The following RASAL2 variants were observed in gnomAD, a reference collection of about 807,000 sequenced individuals.
RASAL2 encodes RAS protein activator like 2, also known as ras GTPase-activating protein nGAP.
Under a neutral mutation model 128.9 loss-of-function variants are expected in RASAL2, and 58 were observed. The observed-to-expected ratio is 0.45, with a 90% CI of 0.36 to 0.56. The LOEUF (loss-of-function observed/expected upper bound fraction) is 0.56, where lower values mean the gene tolerates loss of function less well. RASAL2 is among the 20% of genes least tolerant of loss of function. The probability of loss-of-function intolerance (pLI) is 0.00; values close to 1 mark genes in which losing one functional copy is unlikely to be tolerated. For missense variants in RASAL2, 1,360 were observed against 1,601.6 expected, an observed-to-expected ratio of 0.85 and a Z score of 2.57; for synonymous variants, 561 against 580.8, an observed-to-expected ratio of 0.97 and a Z score of 0.49.
At chr1:178,095,428 A>G (rs931025493) in intron 1 of RASAL2, among the ~76,000 whole-genome samples, 26 of 152,336 alleles carry the variant, frequency 1.7e-4, no homozygotes, top group African/African-American at 6.3e-4. Context: ...GAAAACTCAT[A>G]GCTTAAGGAT....
intron 1 of RASAL2, among the ~76,000 whole-genome samples, chr1:178,136,947 A>G (rs2102320740): frequency 1.3e-5 from 2 of 152,234 alleles, no homozygotes; most frequent in Middle Eastern, 3.4e-3. Context: ...GAAGGCTTTT[A>G]TCCTTTAATT....
chr1:178,362,416 ATC>A (rs1671169628), intron 3 of RASAL2, among the ~76,000 whole-genome samples: 1 of 151,994 alleles, frequency 6.6e-6, no homozygotes, highest in Admixed American at 6.6e-5. Context: ...AAATTAACAT[ATC>A]TGTTATCTCA....
intron 2 of RASAL2, among the ~76,000 whole-genome samples, chr1:178,289,679 G>A (rs1367950612): frequency 1.3e-5 from 2 of 152,078 alleles, no homozygotes; most frequent in Non-Finnish European, 1.5e-5. Context: ...ATATGTAAGA[G>A]TCATTTTCAA....
chr1:178,230,401 T>A (rs533928499), intron 1 of RASAL2, among the ~76,000 whole-genome samples: 12 of 152,224 alleles, frequency 7.9e-5, no homozygotes, highest in Non-Finnish European at 1.8e-4. Context: ...TACCATTTTG[T>A]GCTCCCATTA....
At chr1:178,262,484 C>G (rs75416167) in intron 1 of RASAL2, among the ~76,000 whole-genome samples, 9,594 of 152,232 alleles carry the variant, frequency 0.063, 375 homozygotes, top group Middle Eastern at 0.092. Flanking sequence ...GAGTGACAAC[C>G]TTACTTTTCC....
intron 5 of RASAL2, among the ~76,000 whole-genome samples, chr1:178,426,226 G>A (rs2102773174): frequency 6.6e-6 from 1 of 152,168 alleles, no homozygotes; most frequent in South Asian, 2.1e-4. Flanking sequence ...ATTCATAATA[G>A]GCAAAAAGTG....
chr1:178,253,325 C>T (rs926881639), intron 1 of RASAL2, among the ~76,000 whole-genome samples: 9 of 152,140 alleles, frequency 5.9e-5, no homozygotes, highest in African/African-American at 2.2e-4. Flanking sequence ...AACTTAATTA[C>T]GTCTGCAATG....
In RASAL2 at chr1:178,355,671, C is replaced by T. The variant is rs532691262; in HGVS notation, c.458-34429C>T. 3.6e-4 allele frequency among the ~76,000 whole-genome samples: 55 copies of T among 152,240 alleles called. No individual in the cohort carries two copies. In the Middle Eastern group the frequency reaches 0.01, roughly 28 times the overall value. On this transcript the variant is annotated intron_variant, in intron 3 of 17. Coordinates refer to ENST00000367649, the MANE Select transcript of RASAL2 (RefSeq NM_170692.4). ...TTAATAACTTCTGTTTGTCAAAAGACACTACTGAAAGTGCAAAAAGTCAAG... is the reference window on the plus strand; with the variant it reads ...TTAATAACTTCTGTTTGTCAAAAGATACTACTGAAAGTGCAAAAAGTCAAG...
chr1:178,435,532 C>T (rs1332196539), intron 5 of RASAL2, among the ~76,000 whole-genome samples: 2 of 152,078 alleles, frequency 1.3e-5, no homozygotes, highest in African/African-American at 2.4e-5. Context: ...TAGAAAGCCT[C>T]ACCTGGCTAG....
rs576943845 is a variant in RASAL2 at position 178,320,084 on chromosome 1, G to T, written c.457+19966G>T. ...GGTGTCAGTGTGCCCCTGCTGGGGG[G>T]TGCCTCCCAGTTAGGCTGCTCGGGG... On this transcript the variant is annotated intron_variant, in intron 3 of 17. Transcript: ENST00000367649. Among the ~76,000 whole-genome samples the T allele has an allele frequency of 3.3e-5, 5 of 152,034 alleles. No homozygotes were observed. The East Asian group carries it at 9.7e-4, about 29-fold the overall frequency.
intron 1 of RASAL2, among the ~76,000 whole-genome samples, chr1:178,228,191 A>G (rs1269256801): frequency 7.2e-5 from 11 of 152,048 alleles, no homozygotes; most frequent in Middle Eastern, 3.2e-3. Context: ...TCCTCAGTCC[A>G]TGGTTCTTTC....
At chr1:178,420,220 T>C (rs1050343554) in intron 4 of RASAL2, among the ~76,000 whole-genome samples, 2 of 152,196 alleles carry the variant, frequency 1.3e-5, no homozygotes, top group Non-Finnish European at 2.9e-5. Context: ...TTTTTAGAAA[T>C]CTACCAGTAA....
At chr1:178,103,326 G>C (rs1257595955) in intron 1 of RASAL2, among the ~76,000 whole-genome samples, 4 of 152,054 alleles carry the variant, frequency 2.6e-5, no homozygotes, top group Non-Finnish European at 5.9e-5. Context: ...GCTAGTTCAA[G>C]TGATTTTGCA....
chr1:178,163,185 C>A (rs539446842), intron 1 of RASAL2, among the ~76,000 whole-genome samples: 6 of 152,064 alleles, frequency 3.9e-5, no homozygotes, highest in African/African-American at 1.2e-4. Flanking sequence ...CCAGGCTAGT[C>A]TTGAACTCCT....
intron 3 of RASAL2, among the ~76,000 whole-genome samples, chr1:178,354,482 CTCAA>C (rs536178432): frequency 8.9e-4 from 135 of 152,200 alleles, no homozygotes; most frequent in African/African-American, 3.1e-3. Context: ...TATTGGAGGT[CTCAA>C]TCAATACAGT....
chr1:178,228,303 C>T (rs976921410), intron 1 of RASAL2, among the ~76,000 whole-genome samples: 3 of 152,088 alleles, frequency 2.0e-5, no homozygotes, highest in Admixed American at 1.3e-4. Flanking sequence ...AATTGTGGGC[C>T]GGGTGCGGTG....
chr1:178,222,730 A>G (rs1663656233), intron 1 of RASAL2, among the ~76,000 whole-genome samples: 1 of 152,154 alleles, frequency 6.6e-6, no homozygotes, highest in Non-Finnish European at 1.5e-5. Flanking sequence ...TGCTTTAAAA[A>G]TTTCCCTAAA....
At chr1:178,375,930 T>G (rs1319019087) in intron 3 of RASAL2, among the ~76,000 whole-genome samples, 1 of 152,086 alleles carries the variant, frequency 6.6e-6, no homozygotes, top group African/African-American at 2.4e-5. Context: ...GAGCTGTTCA[T>G]CTAGAGAAGA....
intron 1 of RASAL2, among the ~76,000 whole-genome samples, chr1:178,207,273 A>G (rs1663084422): frequency 6.6e-6 from 1 of 152,188 alleles, no homozygotes; most frequent in South Asian, 2.1e-4. Flanking sequence ...CACATATGGG[A>G]AAAAATAAAT....
Sources: gnomAD v4.1 joint callset for allele counts (sites outside exome capture counted in the v4.1 genomes callset) on GRCh38, gnomAD v4.1.1 for gene constraint, MANE v1.5 for transcripts, NCBI Gene and HGNC (gene_info 2026-07-23, HGNC 2026-07-21) for gene names.